Variants in TOR1A observed in about 807,000 individuals in gnomAD.
TOR1A encodes the protein torsin-1A.
In TOR1A, 18 loss-of-function variants were observed where a neutral mutation model predicts 31.4. The ratio of observed to expected loss-of-function variants is 0.57; its 90% CI spans 0.40 to 0.85. The LOEUF is 0.85. TOR1A is among the 40% of genes least tolerant of loss of function. The probability of loss-of-function intolerance (pLI) is 0.00; values close to 1 mark genes in which losing one functional copy is unlikely to be tolerated. For synonymous variants in TOR1A, 168 were observed against 165.9 expected (o/e 1.01, Z -0.10); for missense variants, 375 against 416.4 (o/e 0.90, Z 0.87).
chr9:129,818,403 A>G (rs2031093650), intron 4 of TOR1A, 117 bp downstream of exon 4: 1 of 1,509,058 alleles, frequency 6.6e-7, no homozygotes. Context: ...GGGACTGAGA[A>G]TCTGCATTTC....
At chr9:129,815,553 C>T (rs1251252568) in intron 4 of TOR1A, among the ~76,000 whole-genome samples, 2 of 152,156 alleles carry the variant, frequency 1.3e-5, no homozygotes, top group Admixed American at 6.5e-5. Context: ...GGGCAGAGCC[C>T]GAGCAACAAG....
In TOR1A at chr9:129,815,016, T is replaced by C. The variant is rs931256428; in HGVS notation, c.749-794A>G. Reference sequence around the variant, plus strand: ...TGCGGGCTGGCTCTGCACTGACCCGTCCACTCCTCCTGGGCTCCTGGAACT... The same window carrying C: ...TGCGGGCTGGCTCTGCACTGACCCGCCCACTCCTCCTGGGCTCCTGGAACT... On this transcript the variant is annotated intron_variant, in intron 4 of 4. Transcript: ENST00000351698. Among the ~76,000 whole-genome samples, 60 of 152,276 alleles carry C rather than the reference T, an allele frequency of 3.9e-4. 1 individual carries two copies. Among genetic ancestry groups the C allele is most frequent in the African/African-American group, 1.4e-3 (58 of 41,560 alleles).
chr9:129,816,811 A>G (rs1434552928), intron 4 of TOR1A, among the ~76,000 whole-genome samples: 2 of 152,236 alleles, frequency 1.3e-5, no homozygotes, highest in Non-Finnish European at 2.9e-5. Context: ...ACTATCCAAC[A>G]TGTTACAAAA....
At chr9:129,822,998 A>T in intron 1 of TOR1A, 152 bp from the exon 2 acceptor site, 1 of 1,143,880 alleles carries the variant, frequency 8.7e-7, no homozygotes, top group Non-Finnish European at 1.3e-6. Context: ...CTCCTGGCCC[A>T]GAGGGGACGG....
At position 129,818,894 on chromosome 9, in the gene TOR1A, G is replaced by A; in HGVS notation, c.471C>T (p.Gly157=). Residue 157 remains glycine (G), a synonymous_variant, in exon 3 of 5, where the codon GGC becomes GGT. Coordinates refer to ENST00000351698, the MANE Select transcript of TOR1A (RefSeq NM_000113.3). ...TGGACCTCGCACAGGCACTCACGTT[G>A]CCTCGAATCCACAACTGTAACTGAT... ...YKDQLQLWIR[G]NVSACARSIF... The A allele has an allele frequency of 6.2e-7, 1 of 1,613,604 alleles. No individual in the cohort carries two copies. The highest frequency in any genetic ancestry group is 2.2e-5 in the East Asian group (1 of 44,890).
Position 129,813,487 on chromosome 9 carries a change from G to A in TOR1A, c.*485C>T. 1 of 256,594 alleles carries A rather than the reference G, an allele frequency of 3.9e-6. No individual in the cohort carries two copies. The highest frequency in any genetic ancestry group is 2.3e-5 in the African/African-American group (1 of 43,488). 15.9% of individuals were successfully genotyped at this position (256,594 alleles called of 1,614,324 possible). On this transcript the variant is annotated 3_prime_UTR_variant, in exon 5 of 5. Transcript: ENST00000351698. The stretch of plus-strand genomic sequence containing the variant: ...CTCCTGTGGAACAAATGCCATGCAT[G>A]TGTGCTTGGGCTCATTTCCAGTAAA...
chr9:129,823,507 AG>A, intron 1 of TOR1A: 1 of 5,898 alleles, frequency 1.7e-4, no homozygotes, highest in Non-Finnish European at 3.6e-4. Context: ...CCCCAGCCCC[AG>A]CCCCAGCCCC....
At chr9:129,822,883 A>C (rs1280033440) in intron 1 of TOR1A, 37 bp from the exon 2 acceptor site, 4 of 1,614,014 alleles carry the variant, frequency 2.5e-6, no homozygotes, top group Non-Finnish European at 3.4e-6. Context: ...TGGGGAAGAA[A>C]CAGCGGCAAA....
In TOR1A at chr9:129,813,919, G is replaced by A; in HGVS notation, c.*53C>T. 2 of 1,607,440 alleles carry A rather than the reference G, an allele frequency of 1.2e-6. No homozygotes were observed. Among genetic ancestry groups the A allele is most frequent in the Non-Finnish European group, 1.7e-6 (2 of 1,178,080 alleles). ...GGGGGTGGAAGTGTGGAAGGACTGA[G>A]TGTTGTTTCTTTTCCAACTCCAGGC... On this transcript the variant is annotated 3_prime_UTR_variant, in exon 5 of 5. Coordinates refer to ENST00000351698, the MANE Select transcript of TOR1A (RefSeq NM_000113.3).
intron 2 of TOR1A, chr9:129,821,367 A>C (rs1348817407): frequency 6.6e-6 from 1 of 152,218 alleles, no homozygotes; most frequent in Non-Finnish European, 1.5e-5. Flanking sequence ...CAGGTCTGCT[A>C]CAAGGATCTA....
rs1261956366 is a variant in TOR1A, at chr9:129,822,794, T to TGCAAAGAAGCATC, written c.230_231insGATGCTTCTTTGC (p.Ile78MetfsTer54). 1.9e-6 allele frequency: 3 copies of TGCAAAGAAGCATC among 1,614,204 alleles called. No homozygotes were observed. In the South Asian group the frequency reaches 3.3e-5, roughly 18 times the overall value. On this transcript the variant is annotated frameshift_variant, in exon 2 of 5. Coordinates refer to ENST00000351698, the MANE Select transcript of TOR1A (RefSeq NM_000113.3). LOFTEE classifies it high-confidence loss of function. The stretch of plus-strand genomic sequence containing the variant: ...AACCAAACACGGCATTTAAGATGAT[T>TGCAAAGAAGCATC]TTCTTTGCAAGATGCTGTCCAAAGA...
Position 129,824,109 on chromosome 9 carries a change from T to C in TOR1A, c.-24A>G, listed in dbSNP as rs1588219370. 1.3e-6 allele frequency: 2 copies of C among 1,549,488 alleles called. No individual in the cohort carries two copies. The highest frequency in any genetic ancestry group is 1.7e-6 in the Non-Finnish European group (2 of 1,152,790). ...ATGCCCGGACCCGCGCCACCCTGCTTGTTCTCGCGCCGACCGCGAACCGGT... is the reference window on the plus strand; with the variant it reads ...ATGCCCGGACCCGCGCCACCCTGCTCGTTCTCGCGCCGACCGCGAACCGGT... On this transcript the variant is annotated 5_prime_UTR_variant, in exon 1 of 5. Coordinates refer to ENST00000351698, the MANE Select transcript of TOR1A (RefSeq NM_000113.3).
Position 129,822,679 on chromosome 9 carries a change from C to T in TOR1A, c.346G>A (p.Ala116Thr), listed in dbSNP as rs2031213720. The change falls in exon 2 of 5, where the codon GCA becomes ACA. Residue 116 changes from alanine (A) to threonine (T), a missense_variant. Transcript: ENST00000351698. ...TGKNFVSKII[A>T]ENIYEGGLNS... is the part of the protein sequence containing the mutation. The stretch of plus-strand genomic sequence containing the variant: ...AGACCACCCTCGTAAATATTCTCTG[C>T]GATGATCTTGCTGACGAAATTTTTG... The T allele has an allele frequency of 1.2e-6, 2 of 1,614,080 alleles. No individual in the cohort carries two copies. The highest frequency in any genetic ancestry group is 1.7e-6 in the Non-Finnish European group (2 of 1,180,036).
In TOR1A at chr9:129,818,838, T is replaced by A; in HGVS notation, c.527A>T (p.His176Leu). Reference sequence around the variant, plus strand: ...CTTGATGGCATCTATGAGGCCTGCATGCATCTTATCCATTTCATCAAATAT... The same window carrying A: ...CTTGATGGCATCTATGAGGCCTGCAAGCATCTTATCCATTTCATCAAATAT... The part of the protein sequence containing the change: ...IFIFDEMDKM[H>L]AGLIDAIKPF... Residue 176 changes from histidine (H) to leucine (L), a missense_variant, in exon 3 of 5, where the codon CAT becomes CTT. Physicochemically the swap from His to Leu is moderately conservative, Grantham distance 99. Transcript: ENST00000351698. 1 of 1,614,024 alleles carries A rather than the reference T, an allele frequency of 6.2e-7. No individual in the cohort carries two copies. Among genetic ancestry groups the A allele is most frequent in the Non-Finnish European group, 8.5e-7 (1 of 1,180,046 alleles).
intron 4 of TOR1A, among the ~76,000 whole-genome samples, chr9:129,816,160 C>G (rs896505167): frequency 6.6e-6 from 1 of 152,170 alleles, no homozygotes; most frequent in Non-Finnish European, 1.5e-5. Flanking sequence ...TCACAGGGAC[C>G]CCAAGCACAG....
intron 4 of TOR1A, among the ~76,000 whole-genome samples, chr9:129,814,865 C>T (rs1187212181): frequency 6.6e-6 from 1 of 152,166 alleles, no homozygotes; most frequent in Non-Finnish European, 1.5e-5. Flanking sequence ...AAGCCTGCTG[C>T]CGCTGCCACA....
At chr9:129,818,070 G>T (rs1289569211) in intron 4 of TOR1A, among the ~76,000 whole-genome samples, 1 of 152,016 alleles carries the variant, frequency 6.6e-6, no homozygotes, top group Non-Finnish European at 1.5e-5. Context: ...ACTTTGGGAG[G>T]CCGAGGTGGG....
intron 4 of TOR1A, among the ~76,000 whole-genome samples, chr9:129,817,570 G>A (rs2031070251): frequency 6.6e-6 from 1 of 151,788 alleles, no homozygotes; most frequent in Non-Finnish European, 1.5e-5. Context: ...GTGGTGGCAG[G>A]TGCCTGTAGT....
In TOR1A at chr9:129,814,069, GCCAC is replaced by G; in HGVS notation, c.898_901del (p.Val300LeufsTer4). The G allele has an allele frequency of 6.2e-7, 1 of 1,614,180 alleles. No homozygotes were observed. The highest frequency in any genetic ancestry group is 1.1e-5 in the South Asian group (1 of 91,084). On this transcript the variant is annotated frameshift_variant, in exon 5 of 5. Coordinates refer to ENST00000351698, the MANE Select transcript of TOR1A (RefSeq NM_000113.3). LOFTEE classifies it high-confidence loss of function. ...TTTGGGGAAAAATGTCATCTCCTCA[GCCAC>G]TCTGCTTACAATGTCTTCATCAATT...
Sources: gnomAD v4.1 joint callset for allele counts (sites outside exome capture counted in the v4.1 genomes callset) on GRCh38, gnomAD v4.1.1 for gene constraint, MANE v1.5 for transcripts, NCBI Gene and HGNC (gene_info 2026-07-23, HGNC 2026-07-21) for gene names.